Variants in SRMS observed in about 807,000 individuals in gnomAD.
The protein encoded by SRMS is src-related kinase lacking C-terminal regulatory tyrosine and N-terminal myristylation sites, also known as tyrosine-protein kinase Srms.
SRMS carries 42 observed loss-of-function variants against 43.5 expected under a neutral mutation model. That is an observed-to-expected ratio of 0.97 (90% CI 0.75 to 1.25). SRMS has a LOEUF of 1.25. Ranked by LOEUF, SRMS falls within the 50% of genes most tolerant of loss-of-function variation. The pLI is 0.00. For missense variants in SRMS, 703 were observed against 681.0 expected (o/e 1.03, Z -0.36); for synonymous variants, 316 against 308.2 (o/e 1.03, Z -0.27).
At chr20:63,545,512 C>T (rs957815066) in intron 1 of SRMS, among the ~76,000 whole-genome samples, 7 of 152,164 alleles carry the variant, frequency 4.6e-5, no homozygotes, top group African/African-American at 1.4e-4. Flanking sequence ...ACACAAGATT[C>T]GGGGCTGGGG....
rs769815109 is a variant in SRMS, at chr20:63,541,501, C to T, written c.1066G>A (p.Val356Met). 20 of 1,607,930 alleles carry T rather than the reference C, an allele frequency of 1.2e-5. 1 individual carries two copies. In the South Asian group the frequency reaches 1.8e-4, roughly 14 times the overall value. Residue 356 changes from valine to methionine, a missense_variant, in exon 6 of 8, where the codon GTG becomes ATG. Coordinates refer to ENST00000217188, the MANE Select transcript of SRMS (RefSeq NM_080823.4). ...CAGGCCAGGCCGTCGTCCACGAGCACGTTCCGGGCGGCCAAGTCCCGGTGC... is the reference window on the plus strand; with the variant it reads ...CAGGCCAGGCCGTCGTCCACGAGCATGTTCCGGGCGGCCAAGTCCCGGTGC... ...VVHRDLAARN[V>M]LVDDGLACKV...
rs1600944407 is a variant in SRMS at position 63,541,516 on chromosome 20, AGTCCCG to A, written c.1045_1050del (p.Arg349_Asp350del). On this transcript the variant is annotated inframe_deletion, in exon 6 of 8. Coordinates refer to ENST00000217188, the MANE Select transcript of SRMS (RefSeq NM_080823.4). Reference sequence around the variant, plus strand: ...TCCACGAGCACGTTCCGGGCGGCCAAGTCCCGGTGCACAACGCGCTGCTCCTCCAGG... The same window carrying A: ...TCCACGAGCACGTTCCGGGCGGCCAAGTGCACAACGCGCTGCTCCTCCAGG... 1.2e-6 allele frequency: 2 copies of A among 1,605,734 alleles called. No individual in the cohort carries two copies. Among genetic ancestry groups the A allele is most frequent in the East Asian group, 4.5e-5 (2 of 44,592 alleles).
rs554781278 is a variant in SRMS, at chr20:63,539,461, C to T, written c.*1357G>A. On this transcript the variant is annotated 3_prime_UTR_variant, in exon 8 of 8. Coordinates refer to ENST00000217188, the MANE Select transcript of SRMS (RefSeq NM_080823.4). ...TCAGCAGGTACAGAGCTGACCCCAA[C>T]TCTAGGGGACAAGGACTCAGTCAGG... Among the ~76,000 whole-genome samples the T allele has an allele frequency of 1.3e-5, 2 of 152,364 alleles. No individual in the cohort carries two copies. Among genetic ancestry groups the T allele is most frequent in the East Asian group, 1.9e-4 (1 of 5,190 alleles).
chr20:63,543,157 G>A (rs1228527322), intron 3 of SRMS, among the ~76,000 whole-genome samples, 157 bp downstream of exon 3: 8 of 152,238 alleles, frequency 5.3e-5, no homozygotes, highest in Non-Finnish European at 1.0e-4. Flanking sequence ...GAATGTGCTG[G>A]AACCGCTGGG....
Position 63,540,529 on chromosome 20 carries a change from C to G in SRMS, c.*289G>C. 6.6e-6 allele frequency among the ~76,000 whole-genome samples: 1 copy of G among 151,814 alleles called. No individual in the cohort carries two copies. The highest frequency in any genetic ancestry group is 2.4e-5 in the African/African-American group (1 of 41,402). On this transcript the variant is annotated 3_prime_UTR_variant, in exon 8 of 8. Coordinates refer to ENST00000217188, the MANE Select transcript of SRMS (RefSeq NM_080823.4). ...GCCCCAGCCCTCCGTCTGCACGAGTCACACTGCACGGGGAACGTCAGCCCC... is the reference window on the plus strand; with the variant it reads ...GCCCCAGCCCTCCGTCTGCACGAGTGACACTGCACGGGGAACGTCAGCCCC...
rs539736129 is a variant in SRMS, at chr20:63,541,144, C to T, written c.1285+47G>A. 2.6e-6 allele frequency: 4 copies of T among 1,550,460 alleles called. No individual in the cohort carries two copies. In the African/African-American group the frequency reaches 4.1e-5, roughly 16 times the overall value. ...CAGCGTCCAGGCCCGGGGCCAGTGA[C>T]TCCTGGGCAGAGCCTGCATCCTCCC... On this transcript the variant is annotated intron_variant, in intron 7 of 7. Coordinates refer to ENST00000217188, the MANE Select transcript of SRMS (RefSeq NM_080823.4).
At chr20:63,546,442 G>C (rs1337102238) in intron 1 of SRMS, among the ~76,000 whole-genome samples, 1 of 147,472 alleles carries the variant, frequency 6.8e-6, no homozygotes, top group African/African-American at 2.7e-5. Flanking sequence ...GCCGCACTGG[G>C]CATCTGGACT....
At position 63,544,278 on chromosome 20, in the gene SRMS, C is replaced by G; in HGVS notation, c.427G>C (p.Ala143Pro). Residue 143 changes from alanine to proline, a missense_variant, in exon 2 of 8, where the codon GCC becomes CCC. Coordinates refer to ENST00000217188, the MANE Select transcript of SRMS (RefSeq NM_080823.4). Reference sequence around the variant, plus strand: ...CTCTCGCTGGGCCGGATGAGGAAGGCCCCTGGTTCGTTGGGTGGGGAGAGG... The same window carrying G: ...CTCTCGCTGGGCCGGATGAGGAAGGGCCCTGGTTCGTTGGGTGGGGAGAGG... ...LLLSPPNEPGAFLIRPSESSL... is the reference protein window; with the variant it reads ...LLLSPPNEPGPFLIRPSESSL... 3.4e-6 allele frequency: 5 copies of G among 1,481,926 alleles called. 1 individual carries two copies. The highest frequency in any genetic ancestry group is 1.8e-6 in the Non-Finnish European group (2 of 1,117,288). 91.8% of individuals were successfully genotyped at this position (1,481,926 alleles called of 1,614,324 possible).
At position 63,538,764 on chromosome 20, in the gene SRMS, C is replaced by T. The variant is rs543214037; in HGVS notation, c.*2054G>A. Among the ~76,000 whole-genome samples the T allele has an allele frequency of 9.9e-5, 15 of 151,820 alleles. No homozygotes were observed. Among genetic ancestry groups the T allele is most frequent in the Non-Finnish European group, 1.8e-4 (12 of 67,896 alleles). ...GAAGGAGGGTGCCGGGGCACCTGGC[C>T]GGGCAGCGTCCCTCAGAGCCCGGCC... On this transcript the variant is annotated 3_prime_UTR_variant, in exon 8 of 8. Coordinates refer to ENST00000217188, the MANE Select transcript of SRMS (RefSeq NM_080823.4).
chr20:63,542,812 T>C (rs1164695631), intron 3 of SRMS, among the ~76,000 whole-genome samples: 2 of 152,124 alleles, frequency 1.3e-5, no homozygotes, highest in Non-Finnish European at 2.9e-5. Context: ...CGGATATCCG[T>C]CTACACATGC....
rs1158918441 is a variant in SRMS, at chr20:63,541,487, GTC to G, written c.1078_1079del (p.Asp360ArgfsTer8). On this transcript the variant is annotated frameshift_variant, in exon 6 of 8. Coordinates refer to ENST00000217188, the MANE Select transcript of SRMS (RefSeq NM_080823.4). LOFTEE classifies it high-confidence loss of function. The part of the protein sequence containing the change: ...DLAARNVLVD[D>X]GLACKVADFG... ...AGTCAGCCACCTTGCAGGCCAGGCC[GTC>G]GTCCACGAGCACGTTCCGGGCGGCC... is the stretch of plus-strand genomic sequence containing the variant. 1.2e-5 allele frequency: 19 copies of G among 1,608,258 alleles called. No individual in the cohort carries two copies. Among genetic ancestry groups the G allele is most frequent in the Non-Finnish European group, 1.6e-5 (19 of 1,179,352 alleles).
Position 63,544,208 on chromosome 20 carries a change from G to A in SRMS, c.478+19C>T, listed in dbSNP as rs772549083. 1.5e-5 allele frequency: 21 copies of A among 1,433,962 alleles called. No individual in the cohort carries two copies. Among genetic ancestry groups the A allele is most frequent in the African/African-American group, 4.5e-5 (3 of 67,108 alleles). 88.8% of individuals were successfully genotyped at this position (1,433,962 alleles called of 1,614,324 possible). A position where few individuals can be genotyped will look rare whatever the true frequency, so the allele number is the denominator to read the frequency against. On this transcript the variant is annotated intron_variant, in intron 2 of 7. Coordinates refer to ENST00000217188, the MANE Select transcript of SRMS (RefSeq NM_080823.4). ...CTGACCTGGTGGGGGACAGAGGCAG[G>A]AGGGGCCGCCCCAGGTACCTGACAG... is the stretch of plus-strand genomic sequence containing the variant.
Position 63,543,377 on chromosome 20 carries a change from G to A in SRMS, c.582C>T (p.Leu194=), listed in dbSNP as rs767027632. The change falls in exon 3 of 8, where the codon CTC becomes CTT. Residue 194 remains leucine (L), a synonymous_variant. Transcript: ENST00000217188. ...GCTTCCAGTTGGCCTTGTAGTAGGT[G>A]AGCAGCTCCTCCAGGCCGGGAAAGA... ...GRLFPGLEEL[L]TYYKANWKLI... 6.2e-7 allele frequency: 1 copy of A among 1,612,838 alleles called. No homozygotes were observed. The highest frequency in any genetic ancestry group is 1.1e-5 in the South Asian group (1 of 91,092).
intron 1 of SRMS, among the ~76,000 whole-genome samples, chr20:63,544,567 C>T (rs974852075): frequency 3.9e-5 from 6 of 152,232 alleles, no homozygotes; most frequent in African/African-American, 1.4e-4. Context: ...TCACGTTGGC[C>T]GTGGGCTCTC....
At position 63,541,301 on chromosome 20, in the gene SRMS, CACTTG is replaced by C. The variant is rs1248147872; in HGVS notation, c.1170_1174del (p.Lys391AspfsTer4). 1 of 1,554,712 alleles carries C rather than the reference CACTTG, an allele frequency of 6.4e-7. No individual in the cohort carries two copies. Among genetic ancestry groups the C allele is most frequent in the Admixed American group, 2.0e-5 (1 of 48,942 alleles). On this transcript the variant is annotated frameshift_variant, in exon 7 of 8. Coordinates refer to ENST00000217188, the MANE Select transcript of SRMS (RefSeq NM_080823.4). LOFTEE classifies it high-confidence loss of function. Reference sequence around the variant, plus strand: ...ATAATTGGCCGCCTCAGGCGCTGTCCACTTGACCGGGATCTTGGAGCTGCTGCTCG... The same window carrying C: ...ATAATTGGCCGCCTCAGGCGCTGTCCACCGGGATCTTGGAGCTGCTGCTCG...
At position 63,541,185 on chromosome 20, in the gene SRMS, AC is replaced by A; in HGVS notation, c.1285+5del. On this transcript the variant is annotated splice_donor_5th_base_variant and intron_variant, in intron 7 of 7. Coordinates refer to ENST00000217188, the MANE Select transcript of SRMS (RefSeq NM_080823.4). ...GCATCCTCCCTCTGGCTGCCTGGGG[AC>A]CCACCTTCATAGGGACACTGGCCAT... 1 of 1,550,510 alleles carries A rather than the reference AC, an allele frequency of 6.4e-7. No homozygotes were observed. Among genetic ancestry groups the A allele is most frequent in the Non-Finnish European group, 8.7e-7 (1 of 1,152,476 alleles).
In SRMS at chr20:63,547,165, C is replaced by T. The variant is rs371702000; in HGVS notation, c.299G>A (p.Gly100Glu). The change falls in exon 1 of 8, where the codon GGG (glycine) becomes GAG (glutamate). Residue 100 changes from glycine to glutamate, a missense_variant. Gly to Glu is a moderately conservative substitution (Grantham distance 98). Transcript: ENST00000217188. ...ARRLSGQPSA[G>E]LVPITHVAKA... The stretch of plus-strand genomic sequence containing the variant: ...GGCCACGTGGGTGATGGGCACGAGC[C>T]CGGCGCTGGGCTGGCCCGAAAGCCT... 2.5e-6 allele frequency: 4 copies of T among 1,610,674 alleles called. No homozygotes were observed. Among genetic ancestry groups the T allele is most frequent in the Non-Finnish European group, 3.4e-6 (4 of 1,178,712 alleles).
In SRMS at chr20:63,540,297, G is replaced by C. The variant is rs1295014047; in HGVS notation, c.*521C>G. On this transcript the variant is annotated 3_prime_UTR_variant, in exon 8 of 8. Transcript: ENST00000217188. ...CACGGTCTGCCTGGGAGTCAGCACT[G>C]GTCATTTCCACAAACCCAAGCTGGG... Among the ~76,000 whole-genome samples, 4 of 152,208 alleles carry C rather than the reference G, an allele frequency of 2.6e-5. No homozygotes were observed. Among genetic ancestry groups the C allele is most frequent in the Non-Finnish European group, 5.9e-5 (4 of 68,034 alleles).
chr20:63,539,780 C>G lies in SRMS; in HGVS notation c.*1038G>C, dbSNP rs1256484649. On this transcript the variant is annotated 3_prime_UTR_variant, in exon 8 of 8. Coordinates refer to ENST00000217188, the MANE Select transcript of SRMS (RefSeq NM_080823.4). ...CTGCCCAGCATACCATGGCATCTAC[C>G]TCCGAGCCCCCAACCGACCCTGCCT... Among the ~76,000 whole-genome samples the G allele has an allele frequency of 6.6e-6, 1 of 152,182 alleles. No individual in the cohort carries two copies. The highest frequency in any genetic ancestry group is 2.4e-5 in the African/African-American group (1 of 41,434).
Sources: allele counts gnomAD v4.1 joint callset (sites outside exome capture counted in the v4.1 genomes callset), GRCh38; gene constraint gnomAD v4.1.1; transcripts MANE v1.5; gene names NCBI Gene and HGNC (gene_info 2026-07-23, HGNC 2026-07-21).